The following DYNC2LI1 variants were observed in gnomAD, a reference collection of about 807,000 sequenced individuals.
DYNC2LI1 encodes the protein cytoplasmic dynein 2 light intermediate chain 1.
Under a neutral mutation model 51.9 loss-of-function variants are expected in DYNC2LI1, and 45 were observed. The observed-to-expected ratio is 0.87, with a 90% CI of 0.68 to 1.11. DYNC2LI1 has a LOEUF of 1.11. Among genes scored for constraint, DYNC2LI1 ranks in the 50% most tolerant of loss-of-function variants. The pLI, the probability that DYNC2LI1 is intolerant of heterozygous loss-of-function variation, is 0.00. For missense variants in DYNC2LI1, 490 were observed against 417.4 expected (o/e 1.17, Z -1.51); for synonymous variants, 130 against 137.8 (o/e 0.94, Z 0.40).
At chr2:43,780,881 A>G (rs764906370) in intron 2 of DYNC2LI1, among the ~76,000 whole-genome samples, 2 of 152,128 alleles carry the variant, frequency 1.3e-5, no homozygotes, top group Admixed American at 6.6e-5. Context: ...GTACTAGGTC[A>G]ATGTTTCTTG....
chr2:43,803,905 A>T (rs116606406), intron 10 of DYNC2LI1, among the ~76,000 whole-genome samples: 1,693 of 152,320 alleles, frequency 0.011, 38 homozygotes, highest in African/African-American at 0.038. Context: ...TAAATTATAC[A>T]AGTAACACAT....
chr2:43,826,112 A>T, the DYNC2LI1 span, among the ~76,000 whole-genome samples: 1 of 151,350 alleles, frequency 6.6e-6, no homozygotes, highest in Non-Finnish European at 1.5e-5. Context: ...AGTAGCTGGG[A>T]CCACAGATAT....
intron 8 of DYNC2LI1, among the ~76,000 whole-genome samples, chr2:43,799,142 ATTTTT>A (rs1665989859): frequency 6.6e-6 from 1 of 152,050 alleles, no homozygotes; most frequent in Admixed American, 6.6e-5. Flanking sequence ...TTGACAAAAA[ATTTTT>A]TTAATTAGCC....
At chr2:43,806,573 C>T (rs1255106484) in intron 12 of DYNC2LI1, among the ~76,000 whole-genome samples, 1 of 152,074 alleles carries the variant, frequency 6.6e-6, no homozygotes, top group Non-Finnish European at 1.5e-5. Context: ...TGCAGCCTGG[C>T]TATAAGGATT....
intron 2 of DYNC2LI1, among the ~76,000 whole-genome samples, chr2:43,778,964 T>A (rs1386638470): frequency 6.6e-6 from 1 of 152,176 alleles, no homozygotes; most frequent in Non-Finnish European, 1.5e-5. Context: ...CTTTAAAAAG[T>A]CTGTGATTCT....
the DYNC2LI1 span, chr2:43,828,102 A>G: frequency 3.7e-6 from 6 of 1,613,890 alleles, no homozygotes; most frequent in East Asian, 8.9e-5. Context: ...CAGCTCTGCC[A>G]TGACGGCCTC....
chr2:43,791,751 GT>G (rs2104690192), intron 5 of DYNC2LI1, among the ~76,000 whole-genome samples: 1 of 152,278 alleles, frequency 6.6e-6, no homozygotes, highest in South Asian at 2.1e-4. Context: ...GTTAGATACT[GT>G]TTATCTTTGA....
At chr2:43,810,798 A>G (rs1440847196), downstream of DYNC2LI1, among the ~76,000 whole-genome samples, 4 of 152,212 alleles carry the variant, frequency 2.6e-5, no homozygotes, top group African/African-American at 9.6e-5. Context: ...GTGCTATGGA[A>G]AAAGAAATCC....
the DYNC2LI1 span, among the ~76,000 whole-genome samples, chr2:43,820,359 A>G: frequency 9.2e-5 from 14 of 152,218 alleles, no homozygotes; most frequent in Non-Finnish European, 1.9e-4. Context: ...ATAGGAAAAC[A>G]TTAAATTACT....
At chr2:43,782,547 T>TAAA (rs779034508) in intron 2 of DYNC2LI1, among the ~76,000 whole-genome samples, 3 of 127,428 alleles carry the variant, frequency 2.4e-5, no homozygotes, top group African/African-American at 8.6e-5. Context: ...GTCTTTTCTT[T>TAAA]AAAAAAAAAA....
chr2:43,825,492 T>C, the DYNC2LI1 span, among the ~76,000 whole-genome samples: 2 of 152,216 alleles, frequency 1.3e-5, no homozygotes, highest in African/African-American at 2.4e-5. Context: ...GAAATCAGTA[T>C]GATTTCGTGG....
chr2:43,794,226 A>G, intron 5 of DYNC2LI1: 1 of 401,236 alleles, frequency 2.5e-6, no homozygotes, highest in Non-Finnish European at 4.4e-6. Flanking sequence ...TTTTAGTTCA[A>G]ACAGAAACTT....
Position 43,804,734 on chromosome 2 carries a change from C to T in DYNC2LI1, c.895C>T (p.Pro299Ser). ...AAAAGTGTATGAAAAGCTCTTTCCA[C>T]CAAAGGTACATATTTCTAATTTTTT... ...WKKVYEKLFP[P>S]KSINTLKDIK... Residue 299 changes from proline (P) to serine (S), a missense_variant, in exon 11 of 13, where the codon CCA (proline) becomes TCA (serine). Pro to Ser is a moderately conservative substitution (Grantham distance 74, BLOSUM62 -1). Coordinates refer to ENST00000260605, the MANE Select transcript of DYNC2LI1 (RefSeq NM_016008.4). 1 of 1,595,702 alleles carries T rather than the reference C, an allele frequency of 6.3e-7. No homozygotes were observed.
chr2:43,813,039 G>T, downstream of DYNC2LI1: 1 of 748,810 alleles, frequency 1.3e-6, no homozygotes, highest in Non-Finnish European at 2.5e-6. Flanking sequence ...GAAATACATG[G>T]CACTCTCATT....
the DYNC2LI1 span, chr2:43,823,907 A>C: frequency 6.2e-7 from 1 of 1,613,806 alleles, no homozygotes; most frequent in Non-Finnish European, 8.5e-7. Flanking sequence ...GCACGTGGGC[A>C]CTTACACAGA....
At position 43,794,710 on chromosome 2, in the gene DYNC2LI1, A is replaced by G. The variant is rs368166400; in HGVS notation, c.507+67A>G. On this transcript the variant is annotated intron_variant, in intron 6 of 12. Transcript: ENST00000260605. ...ATTTATAGTTAATGATAACATCACA[A>G]ACAACTTCTTTAGATTTTTATGCAT... is the stretch of plus-strand genomic sequence containing the variant. 7.3e-5 allele frequency: 117 copies of G among 1,611,166 alleles called. No individual in the cohort carries two copies. The African/African-American group carries it at 1.4e-3, about 20-fold the overall frequency.
chr2:43,795,103 G>A (rs1393181694), intron 6 of DYNC2LI1: 1 of 999,314 alleles, frequency 1.0e-6, no homozygotes, highest in Non-Finnish European at 1.2e-6. Context: ...TCATCTGACA[G>A]CTAATTAAAT....
intron 12 of DYNC2LI1, among the ~76,000 whole-genome samples, chr2:43,805,737 G>C (rs559700142): frequency 1.3e-5 from 2 of 151,990 alleles, no homozygotes; most frequent in Admixed American, 1.3e-4. Flanking sequence ...ACATAACCCA[G>C]GTTCTCTCAG....
chr2:43,826,460 G>A, the DYNC2LI1 span: 3,211 of 1,614,156 alleles, frequency 2.0e-3, 14 homozygotes, highest in Middle Eastern at 0.021. Context: ...CCAGGAGGAC[G>A]ACAATCTGAT....
Sources: allele counts gnomAD v4.1 joint callset (sites outside exome capture counted in the v4.1 genomes callset), GRCh38; gene constraint gnomAD v4.1.1; transcripts MANE v1.5; gene names NCBI Gene and HGNC (gene_info 2026-07-23, HGNC 2026-07-21).